CIC: variants seen among roughly 807,000 people sequenced by gnomAD.
CIC encodes the protein protein capicua homolog.
Under a neutral mutation model 115.7 loss-of-function variants are expected in CIC, and 18 were observed. The ratio of observed to expected loss-of-function variants is 0.16; its 90% CI spans 0.11 to 0.23. The LOEUF is 0.23. Among genes scored for constraint, CIC ranks in the 10% least tolerant of loss-of-function variants. The pLI is 1.00. For missense variants in CIC, 2,000 were observed against 2,159.3 expected (o/e 0.93, Z 1.46); for synonymous variants, 1,076 against 923.0 (o/e 1.17, Z -3.01).
Position 42,269,351 on chromosome 19 carries a change from C to T in CIC, c.-41C>T, listed in dbSNP as rs1011255571. ...GGACCGGACCGAGCCGGGGCCACGG[C>T]CCCCCGCCCCGAAACCCCGCCGAGC... On this transcript the variant is annotated 5_prime_UTR_variant, in exon 1 of 21. Coordinates refer to ENST00000681038, the MANE Select transcript of CIC (RefSeq NM_001386298.1). 2.0e-5 allele frequency: 3 copies of T among 147,008 alleles called. No homozygotes were observed. The highest frequency in any genetic ancestry group is 4.0e-4 in the East Asian group (2 of 4,940). 9.1% of individuals were successfully genotyped at this position (147,008 alleles called of 1,614,324 possible).
rs1599941128 is a variant in CIC at position 42,294,879 on chromosome 19, T to G, written c.7242T>G (p.Val2414=). ...ATGCAGACATCTTTCCCTCCAAGGT[T>G]TGTCTGCAGTTGAAGATCCGTGAGG... ...ARYADIFPSK[V]CLQLKIREVR... is the part of the protein sequence containing the mutation. Residue 2414 remains valine, a synonymous_variant, in exon 21 of 21, where the codon GTT becomes GTG. Transcript: ENST00000681038. The G allele has an allele frequency of 6.2e-7, 1 of 1,600,740 alleles. No homozygotes were observed. Among genetic ancestry groups the G allele is most frequent in the Non-Finnish European group, 8.5e-7 (1 of 1,179,948 alleles).
chr19:42,277,910 C>G (rs1254074207), intron 2 of CIC, among the ~76,000 whole-genome samples: 2 of 152,254 alleles, frequency 1.3e-5, no homozygotes, highest in Admixed American at 1.3e-4. Context: ...TCCCTAAGCC[C>G]TTGGGAGGTA....
intron 2 of CIC, chr19:42,284,866 A>C: frequency 9.0e-7 from 1 of 1,107,372 alleles, no homozygotes. Context: ...GGGAGAGAAC[A>C]GTAGAGGCAG....
Position 42,286,849 on chromosome 19 carries a change from C to A in CIC, c.2873C>A (p.Pro958His). ...GTCCCCTTCCTGGCACCCAGCCAGCCTGACCCCTCCGTGCAGCCGAGCGAG... is the reference window on the plus strand; with the variant it reads ...GTCCCCTTCCTGGCACCCAGCCAGCATGACCCCTCCGTGCAGCCGAGCGAG... ...SLVPFLAPSQPDPSVQPSEAQ... is the reference protein window; with the variant it reads ...SLVPFLAPSQHDPSVQPSEAQ... The change falls in exon 3 of 21, where the codon CCT (proline) becomes CAT (histidine). Residue 958 changes from proline (P) to histidine (H), a missense_variant. Around this residue, in one of 8 missense-constraint regions of CIC, gnomAD observed 222 missense variants for 247.7 expected, o/e 0.90. Transcript: ENST00000681038. The A allele has an allele frequency of 1.2e-6, 2 of 1,613,884 alleles. No individual in the cohort carries two copies. Among genetic ancestry groups the A allele is most frequent in the Non-Finnish European group, 1.7e-6 (2 of 1,179,988 alleles).
intron 16 of CIC, 129 bp downstream of exon 16, chr19:42,293,410 C>T (rs1166536280): frequency 7.4e-7 from 1 of 1,343,442 alleles, no homozygotes. Flanking sequence ...CCCCTCTGTC[C>T]CTTCTGCCTG....
At chr19:42,283,966 C>T (rs1161491531) in intron 2 of CIC, 1 of 149,470 alleles carries the variant, frequency 6.7e-6, no homozygotes, top group Non-Finnish European at 1.5e-5. Flanking sequence ...AATGGGCTCA[C>T]GCGCGGGGGG....
At position 42,287,431 on chromosome 19, in the gene CIC, T is replaced by C; in HGVS notation, c.3291T>C (p.Asp1097=). The C allele has an allele frequency of 1.2e-6, 2 of 1,613,728 alleles. No individual in the cohort carries two copies. The highest frequency in any genetic ancestry group is 2.2e-5 in the South Asian group (2 of 91,080). ...AACGGGACTCATCTTCTGAGAAGGA[T>C]GGACGCAGCCCCAACAAGGTACTTT... ...PKERDSSSEK[D]GRSPNKREKD... is the part of the protein sequence containing the mutation. Residue 1097 remains aspartate (D), a synonymous_variant, in exon 5 of 21, where the codon GAT becomes GAC. Coordinates refer to ENST00000681038, the MANE Select transcript of CIC (RefSeq NM_001386298.1). The surrounding 1 kb of genome is among the most constrained non-coding windows in gnomAD (Gnocchi z 8.7).
chr19:42,294,500 C>T, intron 19 of CIC, 104 bp from the exon 20 acceptor site: 6 of 1,582,722 alleles, frequency 3.8e-6, no homozygotes, highest in African/African-American at 1.3e-5. Context: ...TCTCTGACTC[C>T]CCTGTGAAAT....
Position 42,292,805 on chromosome 19 carries a change from C to T in CIC, c.6142C>T (p.Pro2048Ser). The T allele has an allele frequency of 1.2e-6, 2 of 1,613,602 alleles. No individual in the cohort carries two copies. The highest frequency in any genetic ancestry group is 1.7e-6 in the Non-Finnish European group (2 of 1,179,938). The stretch of plus-strand genomic sequence containing the variant: ...AGCCACCATTCTGCCCAAGGGCCCG[C>T]CAGCCCCTGCCACTGCCACCCCAGC... ...PAATILPKGP[P>S]APATATPAPT... is the part of the protein sequence containing the mutation. The change falls in exon 15 of 21, where the codon CCA becomes TCA. Residue 2048 changes from proline to serine, a missense_variant. Pro to Ser is a moderately conservative substitution (Grantham distance 74). This residue lies in a region of CIC where 1,466 missense variants were observed against 1,390.4 expected (regional missense o/e 1.05). Coordinates refer to ENST00000681038, the MANE Select transcript of CIC (RefSeq NM_001386298.1).
At position 42,271,741 on chromosome 19, in the gene CIC, C is replaced by T. The variant is rs1208523803; in HGVS notation, c.-10-33C>T. 6.8e-5 allele frequency: 27 copies of T among 398,640 alleles called. No homozygotes were observed. In the East Asian group the frequency reaches 8.9e-4, roughly 13 times the overall value. 24.7% of individuals were successfully genotyped at this position (398,640 alleles called of 1,614,324 possible). Reference sequence around the variant, plus strand: ...TGGCTCTGGAGAGGTTCCTGAGTTGCTCCGCGTAATCCTCCGCTCTCCCAC... The same window carrying T: ...TGGCTCTGGAGAGGTTCCTGAGTTGTTCCGCGTAATCCTCCGCTCTCCCAC... On this transcript the variant is annotated intron_variant, in intron 1 of 20. Coordinates refer to ENST00000681038, the MANE Select transcript of CIC (RefSeq NM_001386298.1).
Position 42,295,141 on chromosome 19 carries a change from C to CCGGGGGG in CIC, c.7504_7505insCGGGGGG (p.Gln2502ProfsTer23). 4 of 1,430,140 alleles carry CCGGGGGG rather than the reference C, an allele frequency of 2.8e-6. No homozygotes were observed. Among genetic ancestry groups the CCGGGGGG allele is most frequent in the Non-Finnish European group, 3.7e-6 (4 of 1,073,632 alleles). The allele number at this position is 1,430,140 out of a possible 1,614,324, so 88.6% of individuals were successfully genotyped here. A position where few individuals can be genotyped will look rare whatever the true frequency, so the allele number is the denominator to read the frequency against. On this transcript the variant is annotated frameshift_variant, in exon 21 of 21. Coordinates refer to ENST00000681038, the MANE Select transcript of CIC (RefSeq NM_001386298.1). LOFTEE classifies it high-confidence loss of function. ...ACAGCCTGGCTGGGAGGGGGCTCCC[C>CCGGGGGG]AGCCCTCCCCCCCACCCCCAGGTCC...
At chr19:42,281,344 G>A (rs1301902374) in intron 2 of CIC, among the ~76,000 whole-genome samples, 1 of 152,188 alleles carries the variant, frequency 6.6e-6, no homozygotes, top group East Asian at 1.9e-4. Context: ...ATCCCTGGCT[G>A]CTCGCCCCAG....
chr19:42,290,626 C>T lies in CIC; in HGVS notation c.4585C>T (p.Pro1529Ser), dbSNP rs138450756. Residue 1529 changes from proline (P) to serine (S), a missense_variant, in exon 11 of 21, where the codon CCT (proline) becomes TCT (serine). By Grantham distance (74) the Pro-to-Ser change is moderately conservative (BLOSUM62 -1). Coordinates refer to ENST00000681038, the MANE Select transcript of CIC (RefSeq NM_001386298.1). Reference sequence around the variant, plus strand: ...ACCAGGCCCCTCAGTCATCGCGGCCCCTCCCAGCGGAGGAGGAAACATCCT... The same window carrying T: ...ACCAGGCCCCTCAGTCATCGCGGCCTCTCCCAGCGGAGGAGGAAACATCCT... ...EPPGPSVIAAPPSGGGNILQT... is the reference protein window; with the variant it reads ...EPPGPSVIAASPSGGGNILQT... 290 of 1,613,628 alleles carry T rather than the reference C, an allele frequency of 1.8e-4. No homozygotes were observed. The highest frequency in any genetic ancestry group is 2.3e-4 in the Non-Finnish European group (267 of 1,179,980).
At chr19:42,284,117 C>T (rs1379524421) in intron 2 of CIC, 1 of 148,088 alleles carries the variant, frequency 6.8e-6, no homozygotes, top group Non-Finnish European at 1.5e-5. Flanking sequence ...CACGGACGCA[C>T]GCACGCTGGT....
In CIC at chr19:42,291,386, A is replaced by G. The variant is rs2038087663; in HGVS notation, c.5345A>G (p.Asn1782Ser). 2 of 1,612,268 alleles carry G rather than the reference A, an allele frequency of 1.2e-6. No homozygotes were observed. Among genetic ancestry groups the G allele is most frequent in the Non-Finnish European group, 1.7e-6 (2 of 1,179,682 alleles). Residue 1782 changes from asparagine (N) to serine (S), a missense_variant, in exon 11 of 21, where the codon AAC (asparagine) becomes AGC (serine). By Grantham distance (46) the Asn-to-Ser change is conservative. This residue lies in a region of CIC where 1,466 missense variants were observed against 1,390.4 expected (regional missense o/e 1.05). Transcript: ENST00000681038. ...RFTLPPGTSTNGKVLAATAPT... is the reference protein window; with the variant it reads ...RFTLPPGTSTSGKVLAATAPT... ...ACCCTCCCACCGGGCACTTCCACCA[A>G]CGGCAAAGTCCTGGCTGCCACTGCA... is the stretch of plus-strand genomic sequence containing the variant.
Sources: gnomAD v4.1 joint callset for allele counts (sites outside exome capture counted in the v4.1 genomes callset) on GRCh38, gnomAD v4.1.1 for gene constraint, gnomAD v4.1.1 regional missense constraint, Gnocchi (gnomAD v3.1) non-coding constraint, MANE v1.5 for transcripts, NCBI Gene and HGNC (gene_info 2026-07-23, HGNC 2026-07-21) for gene names.